EPHA3: variants seen among roughly 807,000 people sequenced by gnomAD.
EPHA3 encodes the protein ephrin type-A receptor 3.
EPHA3 carries 42 observed loss-of-function variants against 107.1 expected under a neutral mutation model. The observed-to-expected ratio is 0.39, with a 90% confidence interval of 0.31 to 0.51. EPHA3 has a LOEUF of 0.51. Ranked by LOEUF, EPHA3 falls within the 20% of genes least tolerant of loss-of-function variation. The probability of loss-of-function intolerance (pLI) is 0.78; values close to 1 mark genes in which losing one functional copy is unlikely to be tolerated. For synonymous variants in EPHA3, 461 were observed against 424.8 expected, an observed-to-expected ratio of 1.09 and a Z score of -1.05; for missense variants, 1,183 against 1,211.2, an observed-to-expected ratio of 0.98 and a Z score of 0.35.
intron 13 of EPHA3, among the ~76,000 whole-genome samples, chr3:89,432,107 T>C (rs1238356838): frequency 6.6e-6 from 1 of 152,114 alleles, no homozygotes; most frequent in Admixed American, 6.6e-5. Context: ...AATTTTTCCA[T>C]ATTTTATACC....
intron 7 of EPHA3, chr3:89,400,123 AT>A (rs1321947735): frequency 1.1e-6 from 1 of 909,236 alleles, no homozygotes; most frequent in Non-Finnish European, 1.3e-6. Context: ...AGGTAAAATT[AT>A]GTCTATGGCA....
chr3:89,432,309 G>A (rs994986985), intron 13 of EPHA3, among the ~76,000 whole-genome samples: 2 of 152,154 alleles, frequency 1.3e-5, no homozygotes, highest in African/African-American at 4.8e-5. Flanking sequence ...GAATGTATAT[G>A]TTTTAATTTG....
chr3:89,145,231 G>C (rs1704512527), intron 2 of EPHA3, among the ~76,000 whole-genome samples: 1 of 151,276 alleles, frequency 6.6e-6, no homozygotes, highest in South Asian at 2.1e-4. Context: ...ATTCAAACAA[G>C]TTAGAAACAT....
chr3:89,207,015 T>C (rs1425164357), intron 2 of EPHA3, among the ~76,000 whole-genome samples: 3 of 152,120 alleles, frequency 2.0e-5, no homozygotes, highest in Non-Finnish European at 4.4e-5. Context: ...TCCTGAACGA[T>C]CAAGGTTTTT....
chr3:89,302,029 G>A (rs561633381), intron 3 of EPHA3, among the ~76,000 whole-genome samples: 2 of 152,130 alleles, frequency 1.3e-5, no homozygotes, highest in South Asian at 2.1e-4. Flanking sequence ...TTCATACCAC[G>A]GAAGGAATCT....
intron 2 of EPHA3, among the ~76,000 whole-genome samples, chr3:89,129,167 G>A (rs9883387): frequency 0.23 from 35,341 of 151,918 alleles, 4,241 homozygotes; most frequent in Middle Eastern, 0.33. Context: ...CCCATCTCTG[G>A]CCCAATTTAC....
chr3:89,467,806 C>A (rs549874647), intron 15 of EPHA3, among the ~76,000 whole-genome samples: 3 of 152,218 alleles, frequency 2.0e-5, no homozygotes, highest in African/African-American at 7.2e-5. Context: ...TATGTAATTT[C>A]CATGATTTCT....
intron 3 of EPHA3, among the ~76,000 whole-genome samples, chr3:89,267,786 A>C (rs1164311162): frequency 6.6e-6 from 1 of 152,192 alleles, no homozygotes; most frequent in Non-Finnish European, 1.5e-5. Flanking sequence ...AAAAGCTTAG[A>C]ATAAATGAAG....
Position 89,255,617 on chromosome 3 carries a change from C to G in EPHA3, c.814+45097C>G, listed in dbSNP as rs114267626. Among the ~76,000 whole-genome samples, 1,429 of 152,004 alleles carry G rather than the reference C, an allele frequency of 9.4e-3. 27 individuals carry two copies. Among genetic ancestry groups the G allele is most frequent in the African/African-American group, 0.033 (1,367 of 41,482 alleles). On this transcript the variant is annotated intron_variant, in intron 3 of 16. Transcript: ENST00000336596. ...CCCTGCCCAAATAAAATTCCATGGT[C>G]TGACTGGGTGAGGTGGCTCATGCCT...
chr3:89,201,784 C>G (rs1705974447), intron 2 of EPHA3, among the ~76,000 whole-genome samples: 1 of 152,124 alleles, frequency 6.6e-6, no homozygotes, highest in African/African-American at 2.4e-5. Context: ...GAAGTTAACT[C>G]TTGTTTATAT....
intron 5 of EPHA3, among the ~76,000 whole-genome samples, chr3:89,386,088 T>A (rs966440627): frequency 6.6e-6 from 1 of 152,108 alleles, no homozygotes; most frequent in Non-Finnish European, 1.5e-5. Context: ...AGCACAACAT[T>A]CAAGAGGAAG....
At position 89,355,499 on chromosome 3, in the gene EPHA3, G is replaced by T. The variant is rs562548655; in HGVS notation, c.1306+13409G>T. Among the ~76,000 whole-genome samples the T allele has an allele frequency of 9.3e-4, 141 of 151,418 alleles. 7 individuals carry two copies. Among genetic ancestry groups the T allele is most frequent in the South Asian group, 7.1e-3 (34 of 4,798 alleles). On this transcript the variant is annotated intron_variant, in intron 5 of 16. Transcript: ENST00000336596. The stretch of plus-strand genomic sequence containing the variant: ...AGCAAAAGTCCAATTGTAAATTCAG[G>T]TACTGTCACTTAATAATGAAGTGAC...
chr3:89,440,325 G>A (rs1170010758), intron 13 of EPHA3, among the ~76,000 whole-genome samples: 2 of 152,118 alleles, frequency 1.3e-5, no homozygotes, highest in African/African-American at 4.8e-5. Flanking sequence ...ACTCTCCAAA[G>A]TCCTTTGTCA....
At chr3:89,189,313 G>T (rs536959216) in intron 2 of EPHA3, among the ~76,000 whole-genome samples, 84 of 152,274 alleles carry the variant, frequency 5.5e-4, no homozygotes, top group African/African-American at 1.9e-3. Context: ...TATACTAAGA[G>T]ACTGGGCACG....
intron 3 of EPHA3, among the ~76,000 whole-genome samples, chr3:89,238,308 A>G (rs907640553): frequency 6.6e-6 from 1 of 152,216 alleles, no homozygotes; most frequent in African/African-American, 2.4e-5. Flanking sequence ...GCCAAAAACC[A>G]ACACAAAAAT....
intron 3 of EPHA3, among the ~76,000 whole-genome samples, chr3:89,274,005 A>C (rs1373997595): frequency 6.6e-6 from 1 of 151,912 alleles, no homozygotes; most frequent in African/African-American, 2.4e-5. Flanking sequence ...AGTTGAAATA[A>C]GAAGGCAGAG....
chr3:89,422,203 A>T (rs1048561972), intron 11 of EPHA3, among the ~76,000 whole-genome samples: 1 of 144,178 alleles, frequency 6.9e-6, no homozygotes, highest in Non-Finnish European at 1.5e-5. Flanking sequence ...ACACACACAC[A>T]CACACACACA....
intron 3 of EPHA3, among the ~76,000 whole-genome samples, chr3:89,260,841 T>C (rs1190865480): frequency 1.3e-5 from 2 of 152,228 alleles, no homozygotes; most frequent in Admixed American, 1.3e-4. Context: ...ACCAGACTGA[T>C]TCATGAATGG....
intron 15 of EPHA3, among the ~76,000 whole-genome samples, chr3:89,457,262 G>A (rs991891213): frequency 1.3e-5 from 2 of 152,130 alleles, no homozygotes; most frequent in African/African-American, 4.8e-5. Flanking sequence ...GGAAATTATG[G>A]GGAAAAAGCC....
Sources: gnomAD v4.1 joint callset for allele counts (sites outside exome capture counted in the v4.1 genomes callset) on GRCh38, gnomAD v4.1.1 for gene constraint, MANE v1.5 for transcripts, NCBI Gene and HGNC (gene_info 2026-07-23, HGNC 2026-07-21) for gene names.